The following PLCL1 variants were observed in gnomAD, a reference collection of about 807,000 sequenced individuals.
The protein encoded by PLCL1 is phospholipase C like 1 (inactive).
In PLCL1, 41 loss-of-function variants were observed where a neutral mutation model predicts 84.4. That is an observed-to-expected ratio of 0.49 (90% confidence interval 0.38 to 0.63). PLCL1 has a LOEUF of 0.63. Among genes scored for constraint, PLCL1 ranks in the 30% least tolerant of loss-of-function variants. PLCL1 has a pLI of 0.00. For missense variants in PLCL1, 1,206 were observed against 1,367.8 expected (o/e 0.88, Z 1.87); for synonymous variants, 490 against 488.3 (o/e 1.00, Z -0.05).
At chr2:198,120,197 G>T (rs935968085) in intron 5 of PLCL1, among the ~76,000 whole-genome samples, 1 of 151,750 alleles carries the variant, frequency 6.6e-6, no homozygotes, top group East Asian at 1.9e-4. Context: ...AATTTTTGTG[G>T]GTACATAGGT....
intron 1 of PLCL1, among the ~76,000 whole-genome samples, chr2:197,829,742 T>C (rs901633817): frequency 6.6e-6 from 1 of 152,204 alleles, no homozygotes; most frequent in Non-Finnish European, 1.5e-5. Flanking sequence ...GAGTGGCACA[T>C]TGCTCTGGTT....
At position 197,829,168 on chromosome 2, in the gene PLCL1, A is replaced by G. The variant is rs192797378; in HGVS notation, c.240+23829A>G. Among the ~76,000 whole-genome samples the G allele has an allele frequency of 1.6e-3, 242 of 152,302 alleles. 1 individual carries two copies. The highest frequency in any genetic ancestry group is 5.4e-3 in the African/African-American group (224 of 41,576). On this transcript the variant is annotated intron_variant, in intron 1 of 5. Transcript: ENST00000428675. ...ATTTAAGTGAGCATCCTGTGTTTTT[A>G]TTTGTTAAATCTGGCAACCCTAGCT...
chr2:198,111,760 A>G (rs1317451207), intron 5 of PLCL1, among the ~76,000 whole-genome samples: 1 of 151,920 alleles, frequency 6.6e-6, no homozygotes, highest in Non-Finnish European at 1.5e-5. Context: ...TTAACTCTAA[A>G]GGCCATGTTG....
At chr2:198,040,753 A>C (rs569950623) in intron 1 of PLCL1, among the ~76,000 whole-genome samples, 4 of 152,184 alleles carry the variant, frequency 2.6e-5, no homozygotes, top group Non-Finnish European at 2.9e-5. Context: ...GGTCCCATAC[A>C]TTTTAGGTTG....
rs985099868 is a variant in PLCL1 at position 198,072,583 on chromosome 2, A to G, written c.241-11175A>G. 9.9e-5 allele frequency among the ~76,000 whole-genome samples: 15 copies of G among 152,116 alleles called. No individual in the cohort carries two copies. In the Middle Eastern group the frequency reaches 0.014, roughly 138 times the overall value. ...TTGATTTTCATGAGAATGCGTCTAA[A>G]TCTTCAGCAGTTGGTAAAATGTTTT... On this transcript the variant is annotated intron_variant, in intron 1 of 5. Transcript: ENST00000428675.
intron 1 of PLCL1, among the ~76,000 whole-genome samples, chr2:198,052,203 C>T (rs554252778): frequency 6.6e-6 from 1 of 151,938 alleles, no homozygotes; most frequent in Non-Finnish European, 1.5e-5. Context: ...TGAGCCACCG[C>T]GCCCAGCCCC....
intron 4 of PLCL1, among the ~76,000 whole-genome samples, 159 bp downstream of exon 4, chr2:198,101,519 T>C (rs1693335431): frequency 6.6e-6 from 1 of 152,046 alleles, no homozygotes; most frequent in South Asian, 2.1e-4. Context: ...ACTTTAGTCT[T>C]TGTTTAGTAC....
intron 1 of PLCL1, among the ~76,000 whole-genome samples, chr2:197,865,489 A>G (rs1687511482): frequency 6.6e-6 from 1 of 152,174 alleles, no homozygotes; most frequent in Non-Finnish European, 1.5e-5. Flanking sequence ...AATAAGATGG[A>G]AGGGGCAGGG....
intron 1 of PLCL1, among the ~76,000 whole-genome samples, chr2:197,866,829 G>C (rs1050399802): frequency 6.6e-6 from 1 of 151,996 alleles, no homozygotes; most frequent in Non-Finnish European, 1.5e-5. Flanking sequence ...TCTGCTTCTG[G>C]AGAACCCATA....
intron 1 of PLCL1, among the ~76,000 whole-genome samples, chr2:197,970,349 G>A (rs913279471): frequency 6.6e-6 from 1 of 152,152 alleles, no homozygotes; most frequent in Non-Finnish European, 1.5e-5. Context: ...TCATGAGAGT[G>A]CAGTCCCCAT....
rs45438997 is a variant in PLCL1, at chr2:198,085,224, G to A, written c.1707G>A (p.Ser569=). Reference sequence around the variant, plus strand: ...AAGCTGAAATGTCTCGAAGGATGTCGGTAGATTACAATGGTGAGCAGAAGC... The same window carrying A: ...AAGCTGAAATGTCTCGAAGGATGTCAGTAGATTACAATGGTGAGCAGAAGC... The part of the protein sequence containing the change: ...DEEAEMSRRM[S]VDYNGEQKQI... Residue 569 remains serine (S), a synonymous_variant, in exon 2 of 6, where the codon TCG becomes TCA. Coordinates refer to ENST00000428675, the MANE Select transcript of PLCL1 (RefSeq NM_006226.4). The surrounding 1 kb of genome is among the most constrained non-coding windows in gnomAD (Gnocchi z 5.3). 6.1e-4 allele frequency: 980 copies of A among 1,613,898 alleles called. 4 individuals carry two copies. The African/African-American group carries it at 0.011, about 18-fold the overall frequency.
intron 1 of PLCL1, among the ~76,000 whole-genome samples, chr2:197,833,811 AC>A (rs1691123112): frequency 6.6e-6 from 1 of 152,194 alleles, no homozygotes; most frequent in Non-Finnish European, 1.5e-5. Context: ...ATTAGAAAAA[AC>A]TGGTTCAAAT....
chr2:197,935,395 T>C (rs1224695300), intron 1 of PLCL1, among the ~76,000 whole-genome samples: 1 of 152,174 alleles, frequency 6.6e-6, no homozygotes, highest in Non-Finnish European at 1.5e-5. Context: ...AAAGAAAATG[T>C]GGTGCATAGA....
intron 5 of PLCL1, among the ~76,000 whole-genome samples, chr2:198,119,084 ACT>A (rs1693813436): frequency 6.6e-6 from 1 of 151,982 alleles, no homozygotes; most frequent in African/African-American, 2.4e-5. Flanking sequence ...GTCAATTGTA[ACT>A]CAGCTAGATC....
intron 1 of PLCL1, among the ~76,000 whole-genome samples, chr2:197,824,241 C>CATCT (rs1420803183): frequency 6.6e-6 from 1 of 152,062 alleles, no homozygotes; most frequent in Non-Finnish European, 1.5e-5. Flanking sequence ...TCTGTGAAGG[C>CATCT]ATCTGTTAGA....
chr2:197,975,890 G>A (rs1026527238), intron 1 of PLCL1, among the ~76,000 whole-genome samples: 4 of 151,928 alleles, frequency 2.6e-5, no homozygotes, highest in Non-Finnish European at 2.9e-5. Flanking sequence ...CCCCTACCCC[G>A]CCTCTTACGC....
intron 1 of PLCL1, among the ~76,000 whole-genome samples, chr2:197,876,636 G>A (rs1687737655): frequency 6.6e-6 from 1 of 151,938 alleles, no homozygotes; most frequent in African/African-American, 2.4e-5. Flanking sequence ...GATTATTGCA[G>A]GATTGTTTTT....
At position 198,085,914 on chromosome 2, in the gene PLCL1, G is replaced by GGAT. The variant is rs1343883160; in HGVS notation, c.2403_2405dup (p.Asp802dup). 6.2e-7 allele frequency: 1 copy of GGAT among 1,614,084 alleles called. No individual in the cohort carries two copies. The highest frequency in any genetic ancestry group is 1.3e-5 in the African/African-American group (1 of 75,030). ...TGGCCATGATCCGTTTTGTTGTTCT[G>GGAT]GATGATGACTACATTGGGGATGAGT... is the stretch of plus-strand genomic sequence containing the variant. On this transcript the variant is annotated inframe_insertion, in exon 2 of 6. Transcript: ENST00000428675. The surrounding 1 kb of genome is among the most constrained non-coding windows in gnomAD (Gnocchi z 5.3).
intron 1 of PLCL1, among the ~76,000 whole-genome samples, chr2:197,933,795 C>A (rs1387614411): frequency 6.6e-6 from 1 of 152,044 alleles, no homozygotes; most frequent in Non-Finnish European, 1.5e-5. Context: ...TAATGGTAGA[C>A]TGGATAATTG....
Sources: allele counts gnomAD v4.1 joint callset (sites outside exome capture counted in the v4.1 genomes callset), GRCh38; gene constraint gnomAD v4.1.1; non-coding constraint Gnocchi (gnomAD v3.1); transcripts MANE v1.5; gene names NCBI Gene and HGNC (gene_info 2026-07-23, HGNC 2026-07-21).